The following GCKR variants were observed in gnomAD, a reference collection of about 807,000 sequenced individuals.
The protein encoded by GCKR is glucokinase regulator, also known as glucokinase regulatory protein.
GCKR carries 73 observed loss-of-function variants against 82.9 expected under a neutral mutation model. The observed-to-expected ratio is 0.88, with a 90% CI of 0.73 to 1.07. The LOEUF (loss-of-function observed/expected upper bound fraction) is 1.07, where lower values mean the gene tolerates loss of function less well. Among genes scored for constraint, GCKR ranks in the 50% least tolerant of loss-of-function variants. The pLI is 0.00. For missense variants in GCKR, 784 were observed against 782.1 expected (o/e 1.00, Z -0.03); for synonymous variants, 294 against 291.8 (o/e 1.01, Z -0.08).
rs763955637 is a variant in GCKR, at chr2:27,498,239, C to T, written c.286-16C>T. ...TGAGCCAGGCCCTGGTAATATATGC[C>T]TCTTTCCTTCTTCAGGAGCCAGATG... is the stretch of plus-strand genomic sequence containing the variant. On this transcript the variant is annotated splice_polypyrimidine_tract_variant and intron_variant, in intron 3 of 18. Coordinates refer to ENST00000264717, the MANE Select transcript of GCKR (RefSeq NM_001486.4). 1.2e-6 allele frequency: 2 copies of T among 1,602,584 alleles called. No individual in the cohort carries two copies. Among genetic ancestry groups the T allele is most frequent in the Non-Finnish European group, 8.6e-7 (1 of 1,169,554 alleles).
intron 16 of GCKR, among the ~76,000 whole-genome samples, chr2:27,509,122 T>C (rs1669819048): frequency 6.6e-6 from 1 of 152,142 alleles, no homozygotes; most frequent in African/African-American, 2.4e-5. Flanking sequence ...AGTTTTCTCA[T>C]ACACCACCTG....
chr2:27,497,522 C>A, intron 2 of GCKR, 40 bp from the exon 3 acceptor site: 1 of 1,575,270 alleles, frequency 6.3e-7, no homozygotes, highest in Non-Finnish European at 8.7e-7. Flanking sequence ...ATTCATCGTC[C>A]TCCTTTTCTT....
chr2:27,518,960 TTGGG>T, intron 17 of GCKR, 23 bp downstream of exon 17: 3 of 1,545,448 alleles, frequency 1.9e-6, no homozygotes, highest in Non-Finnish European at 2.7e-6. Context: ...TGGGGCAGGG[TTGGG>T]TGGGACCTGG....
At chr2:27,501,772 C>T (rs770681438) in intron 8 of GCKR, 2 of 471,248 alleles carry the variant, frequency 4.2e-6, no homozygotes, top group South Asian at 1.5e-5. Context: ...AATCACCTCC[C>T]TCTTATTCTC....
At chr2:27,513,042 C>T (rs1669927758) in intron 16 of GCKR, among the ~76,000 whole-genome samples, 1 of 152,174 alleles carries the variant, frequency 6.6e-6, no homozygotes, top group Admixed American at 6.5e-5. Flanking sequence ...GGTGATGCTA[C>T]ATTCCATCGT....
chr2:27,505,696 T>A (rs200296996), intron 9 of GCKR, 22 bp from the exon 10 acceptor site: 121 of 1,327,504 alleles, frequency 9.1e-5, no homozygotes, highest in Non-Finnish European at 1.2e-4. Flanking sequence ...CCAATTCCTC[T>A]TGGGTGTCTT....
At position 27,518,803 on chromosome 2, in the gene GCKR, C is replaced by T; in HGVS notation, c.1438C>T (p.Leu480=). Residue 480 remains leucine (L), a synonymous_variant, in exon 17 of 19, where the codon CTA becomes TTA. Coordinates refer to ENST00000264717, the MANE Select transcript of GCKR (RefSeq NM_001486.4). ...CCCTTTTCAGAAGTTCCAGCGTGAG[C>T]TAAGCACCAAATGGGTGCTGAATAC... ...GNFIQKFQRE[L]STKWVLNTVS... The T allele has an allele frequency of 6.2e-7, 1 of 1,613,114 alleles. No homozygotes were observed. Among genetic ancestry groups the T allele is most frequent in the African/African-American group, 1.3e-5 (1 of 75,012 alleles).
chr2:27,499,134 C>T lies in GCKR; in HGVS notation c.429-8C>T, dbSNP rs774306506. 1.9e-6 allele frequency: 3 copies of T among 1,581,378 alleles called. No homozygotes were observed. The highest frequency in any genetic ancestry group is 2.6e-6 in the Non-Finnish European group (3 of 1,150,294). ...CCACTGCCACTGACCTTGAGTCTGT[C>T]CTCTTAGGTCTGTGGTGGCCTCTAG... is the stretch of plus-strand genomic sequence containing the variant. On this transcript the variant is annotated splice_region_variant and splice_polypyrimidine_tract_variant and intron_variant, in intron 5 of 18. Coordinates refer to ENST00000264717, the MANE Select transcript of GCKR (RefSeq NM_001486.4).
chr2:27,515,765 A>ATATT (rs1286679766), intron 16 of GCKR, among the ~76,000 whole-genome samples: 10 of 106,920 alleles, frequency 9.4e-5, no homozygotes, highest in African/African-American at 2.7e-4. Flanking sequence ...ATATATATAT[A>ATATT]TTTTTTTTTT....
At chr2:27,519,224 T>TG in intron 17 of GCKR, among the ~76,000 whole-genome samples, 1 of 152,154 alleles carries the variant, frequency 6.6e-6, no homozygotes, top group East Asian at 1.9e-4. Flanking sequence ...CTGATATAAC[T>TG]GAACAATCTT....
In GCKR at chr2:27,497,495, C is replaced by G. The variant is rs113580320; in HGVS notation, c.217-67C>G. ...ACCATGGCTCCTAATATCGGAAACC[C>G]TGAGACCCCCTCCCCCATTCATCGT... is the stretch of plus-strand genomic sequence containing the variant. On this transcript the variant is annotated intron_variant, in intron 2 of 18. Transcript: ENST00000264717. 2,204 of 1,565,922 alleles carry G rather than the reference C, an allele frequency of 1.4e-3. 19 individuals are homozygous for G. In the African/African-American group the frequency reaches 0.026, roughly 19 times the overall value.
intron 16 of GCKR, among the ~76,000 whole-genome samples, chr2:27,510,876 CT>C (rs1669866331): frequency 6.6e-6 from 1 of 151,156 alleles, no homozygotes; most frequent in Admixed American, 6.6e-5. Flanking sequence ...AACAGTAGCC[CT>C]TTTTTTCTTT....
At chr2:27,521,987 G>T (rs897734314) in intron 17 of GCKR, among the ~76,000 whole-genome samples, 1 of 152,144 alleles carries the variant, frequency 6.6e-6, no homozygotes, top group Non-Finnish European at 1.5e-5. Flanking sequence ...ACCTCCCAAA[G>T]TGCTGGGATT....
chr2:27,505,809 T>C lies in GCKR; in HGVS notation c.842T>C (p.Val281Ala), dbSNP rs148764257. ...ETLLLAAHKT[V>A]DQGIAASQRC... ...CTGTTATTAGCAGCCCATAAGACTGTGGACCAGGGCATTGCAGCATCTCAA... is the reference window on the plus strand; with the variant it reads ...CTGTTATTAGCAGCCCATAAGACTGCGGACCAGGGCATTGCAGCATCTCAA... The change falls in exon 10 of 19, where the codon GTG becomes GCG. Residue 281 changes from valine to alanine, a missense_variant. Coordinates refer to ENST00000264717, the MANE Select transcript of GCKR (RefSeq NM_001486.4). 6.3e-7 allele frequency: 1 copy of C among 1,592,622 alleles called. No individual in the cohort carries two copies. The highest frequency in any genetic ancestry group is 1.3e-5 in the African/African-American group (1 of 74,472).
chr2:27,516,160 G>A (rs1220761222), intron 16 of GCKR, among the ~76,000 whole-genome samples: 3 of 151,366 alleles, frequency 2.0e-5, no homozygotes, highest in East Asian at 1.9e-4. Flanking sequence ...ATGTGCATTG[G>A]TCTATTTATG....
chr2:27,521,490 C>T lies in GCKR; in HGVS notation c.1573-970C>T, dbSNP rs1229922621. ...GGATTACAGGCATGCGCCACCACAC[C>T]CAGCTAATTTTTTTTTTTTTTTTTG... On this transcript the variant is annotated intron_variant, in intron 17 of 18. Transcript: ENST00000264717. Among the ~76,000 whole-genome samples, 4 of 136,896 alleles carry T rather than the reference C, an allele frequency of 2.9e-5. No homozygotes were observed. In the South Asian group the frequency reaches 1.1e-3, roughly 36 times the overall value. The allele number at this position is 136,896 out of a possible 152,430, so 89.8% of individuals were successfully genotyped here.
intron 16 of GCKR, among the ~76,000 whole-genome samples, chr2:27,512,483 C>T (rs188971974): frequency 4.1e-5 from 6 of 147,698 alleles, no homozygotes; most frequent in East Asian, 4.0e-4. Context: ...TGCAGTGAAC[C>T]GAGATCATGC....
At chr2:27,516,373 C>T (rs1670009872) in intron 16 of GCKR, among the ~76,000 whole-genome samples, 3 of 148,398 alleles carry the variant, frequency 2.0e-5, no homozygotes, top group African/African-American at 7.5e-5. Flanking sequence ...TCACTGCAAC[C>T]TCCGCCCCCC....
intron 17 of GCKR, among the ~76,000 whole-genome samples, chr2:27,521,965 C>A (rs1670163202): frequency 6.6e-6 from 1 of 152,078 alleles, no homozygotes; most frequent in African/African-American, 2.4e-5. Flanking sequence ...CTCAAGTAAT[C>A]CTCCTGTTTT....
Sources: allele counts gnomAD v4.1 joint callset (sites outside exome capture counted in the v4.1 genomes callset), GRCh38; gene constraint gnomAD v4.1.1; transcripts MANE v1.5; gene names NCBI Gene and HGNC (gene_info 2026-07-23, HGNC 2026-07-21).